HCRTR2: variants seen among roughly 807,000 people sequenced by gnomAD.
HCRTR2 encodes hypocretin receptor 2, also known as orexin receptor type 2.
A neutral mutation model predicts 49.0 loss-of-function variants in HCRTR2; 22 were observed. That is an observed-to-expected ratio of 0.45 (90% confidence interval 0.32 to 0.64). The LOEUF is 0.64. Ranked by LOEUF, HCRTR2 falls within the 30% of genes least tolerant of loss-of-function variation. The pLI is 0.04. For synonymous variants in HCRTR2, 236 were observed against 205.3 expected (o/e 1.15, Z -1.28); for missense variants, 491 against 559.4 (o/e 0.88, Z 1.23).
chr6:55,137,048 G>A (rs1410695165), intron 1 of HCRTR2, among the ~76,000 whole-genome samples: 1 of 152,188 alleles, frequency 6.6e-6, no homozygotes, highest in Admixed American at 6.5e-5. Context: ...TGTGGAACCA[G>A]AAAGGGAGGA....
At chr6:55,141,227 C>T (rs1764502728) in intron 1 of HCRTR2, among the ~76,000 whole-genome samples, 1 of 151,772 alleles carries the variant, frequency 6.6e-6, no homozygotes, top group Admixed American at 6.6e-5. Flanking sequence ...CACCTGTAGT[C>T]CCTGCTACTC....
At chr6:55,283,771 A>T (rs1255393325), downstream of HCRTR2, among the ~76,000 whole-genome samples, 4 of 152,126 alleles carry the variant, frequency 2.6e-5, no homozygotes, top group African/African-American at 9.7e-5. Context: ...TTTAAGAAAA[A>T]CTTTCATAGA....
At chr6:55,260,269 G>T (rs1266901778) in intron 3 of HCRTR2, among the ~76,000 whole-genome samples, 2 of 152,098 alleles carry the variant, frequency 1.3e-5, no homozygotes, top group African/African-American at 4.8e-5. Flanking sequence ...AAGTTATATA[G>T]ATTTTGTCAT....
At chr6:55,111,190 T>C (rs1019334899) in intron 1 of HCRTR2, among the ~76,000 whole-genome samples, 2 of 151,864 alleles carry the variant, frequency 1.3e-5, no homozygotes, top group African/African-American at 4.8e-5. Context: ...TGAAAGTTCA[T>C]AGCCTTAAAT....
At chr6:55,159,480 G>A (rs1347710835) in intron 1 of HCRTR2, among the ~76,000 whole-genome samples, 2 of 152,190 alleles carry the variant, frequency 1.3e-5, no homozygotes, top group Non-Finnish European at 2.9e-5. Flanking sequence ...AAACTGGACA[G>A]AGAATGAGTT....
intron 1 of HCRTR2, among the ~76,000 whole-genome samples, chr6:55,116,389 T>A (rs1328632928): frequency 6.6e-6 from 1 of 151,618 alleles, no homozygotes; most frequent in Non-Finnish European, 1.5e-5. Context: ...TATATATTTT[T>A]CATCACTGGT....
At chr6:55,261,116 A>C (rs143658247) in intron 3 of HCRTR2, among the ~76,000 whole-genome samples, 2,389 of 152,322 alleles carry the variant, frequency 0.016, 31 homozygotes, top group Non-Finnish European at 0.023. Context: ...TATCTATGGA[A>C]TCTATGCAAG....
upstream of HCRTR2, among the ~76,000 whole-genome samples, chr6:55,172,507 T>A (rs901145986): frequency 2.0e-5 from 3 of 152,130 alleles, no homozygotes; most frequent in African/African-American, 7.2e-5. Flanking sequence ...AAAATGCCCA[T>A]TGATGCCCTT....
At chr6:55,264,693 A>G (rs1766829932) in intron 4 of HCRTR2, among the ~76,000 whole-genome samples, 1 of 152,128 alleles carries the variant, frequency 6.6e-6, no homozygotes, top group African/African-American at 2.4e-5. Flanking sequence ...TAGAGACAAA[A>G]AGGATATGGC....
At chr6:55,181,521 A>G (rs190260166) in intron 1 of HCRTR2, among the ~76,000 whole-genome samples, 17 of 152,348 alleles carry the variant, frequency 1.1e-4, no homozygotes, top group Admixed American at 6.5e-4. Context: ...CTTCAATACT[A>G]AACACATGAG....
At position 55,184,721 on chromosome 6, in the gene HCRTR2, T is replaced by C. The variant is rs371109552; in HGVS notation, c.223+9911T>C. Among the ~76,000 whole-genome samples the C allele has an allele frequency of 2.3e-3, 351 of 152,348 alleles. 1 individual carries two copies. Among genetic ancestry groups the C allele is most frequent in the African/African-American group, 8.2e-3 (339 of 41,582 alleles). On this transcript the variant is annotated intron_variant, in intron 1 of 6. Transcript: ENST00000370862. The stretch of plus-strand genomic sequence containing the variant: ...TAGTTTAGAAGCTTTTATTTGCTGT[T>C]CCTAGTTCACAATGGAAATACAACA...
At chr6:55,246,927 C>T (rs1049997834) in intron 1 of HCRTR2, among the ~76,000 whole-genome samples, 1 of 152,050 alleles carries the variant, frequency 6.6e-6, no homozygotes, top group Non-Finnish European at 1.5e-5. Context: ...TGCATTAAGT[C>T]TTCCCACCAG....
chr6:55,276,610 G>A (rs926369498), intron 4 of HCRTR2, among the ~76,000 whole-genome samples: 11 of 152,172 alleles, frequency 7.2e-5, no homozygotes, highest in African/African-American at 2.7e-4. Context: ...TTACAATTAA[G>A]AGAATATTGT....
chr6:55,149,719 C>T (rs1346717036), intron 1 of HCRTR2, among the ~76,000 whole-genome samples: 10 of 151,824 alleles, frequency 6.6e-5, no homozygotes, highest in Non-Finnish European at 1.2e-4. Flanking sequence ...TAAATGTAAA[C>T]GTAGTTTGAG....
At chr6:55,189,054 C>CAT (rs1765272184) in intron 1 of HCRTR2, among the ~76,000 whole-genome samples, 1 of 152,290 alleles carries the variant, frequency 6.6e-6, no homozygotes, top group South Asian at 2.1e-4. Flanking sequence ...TTTTTAAACA[C>CAT]ATTTCTGGGT....
intron 4 of HCRTR2, among the ~76,000 whole-genome samples, chr6:55,267,209 T>A (rs369314919): frequency 1.3e-5 from 2 of 152,162 alleles, no homozygotes; most frequent in South Asian, 4.1e-4. Flanking sequence ...AAGTGAGCCA[T>A]CAAATGAAGA....
chr6:55,203,040 C>A (rs75577563), intron 1 of HCRTR2, among the ~76,000 whole-genome samples: 2,398 of 152,244 alleles, frequency 0.016, 65 homozygotes, highest in African/African-American at 0.054. Flanking sequence ...AGCCTATTCC[C>A]TTTTCATTAT....
intron 1 of HCRTR2, among the ~76,000 whole-genome samples, chr6:55,163,647 A>G (rs1294603419): frequency 6.6e-6 from 1 of 152,184 alleles, no homozygotes; most frequent in Non-Finnish European, 1.5e-5. Context: ...AAAGACTTAA[A>G]CGTAAGACCT....
At chr6:55,169,170 A>G (rs1764915453) in intron 1 of HCRTR2, among the ~76,000 whole-genome samples, 2 of 151,854 alleles carry the variant, frequency 1.3e-5, no homozygotes, top group Non-Finnish European at 2.9e-5. Context: ...ACTGAATAAG[A>G]CAGGAAGAGT....
Sources: allele counts gnomAD v4.1 joint callset (sites outside exome capture counted in the v4.1 genomes callset), GRCh38; gene constraint gnomAD v4.1.1; transcripts MANE v1.5; gene names NCBI Gene and HGNC (gene_info 2026-07-23, HGNC 2026-07-21).